CTTNBP2: variants seen among roughly 807,000 people sequenced by gnomAD.
The protein encoded by CTTNBP2 is cortactin binding protein 2.
In CTTNBP2, 108 loss-of-function variants were observed where a neutral mutation model predicts 156.9. The ratio of observed to expected loss-of-function variants is 0.69; its 90% CI spans 0.59 to 0.81. The LOEUF (loss-of-function observed/expected upper bound fraction) is 0.81. CTTNBP2 is among the 30% of genes least tolerant of loss of function. CTTNBP2 has a pLI of 0.00. For synonymous variants in CTTNBP2, 767 were observed against 751.8 expected, an observed-to-expected ratio of 1.02 and a Z score of -0.33; for missense variants, 1,924 against 2,035.4, an observed-to-expected ratio of 0.95 and a Z score of 1.05.
rs145626438 is a variant in CTTNBP2 at position 117,870,514 on chromosome 7, C to A, written c.81+2821G>T. Among the ~76,000 whole-genome samples the A allele has an allele frequency of 5.9e-4, 90 of 152,318 alleles. No homozygotes were observed. The East Asian group carries it at 0.012, about 21-fold the overall frequency. On this transcript the variant is annotated intron_variant, in intron 1 of 22. Coordinates refer to ENST00000160373, the MANE Select transcript of CTTNBP2 (RefSeq NM_033427.3). ...TCCAAGTTTTTCTTTGTCACTGCCA[C>A]CATGACAACAAATTTTATACCTACT...
rs761230759 is a variant in CTTNBP2 at position 117,791,684 on chromosome 7, T to C, written c.1512A>G (p.Ala504=). The change falls in exon 4 of 23, where the codon GCA becomes GCG. Residue 504 remains alanine, a synonymous_variant. Transcript: ENST00000160373. The part of the protein sequence containing the change: ...QALSRFTSPQ[A]GAPSRPGVPP... ...GCACTCCAGGCCTTGAGGGAGCACC[T>C]GCTTGAGGGCTTGTAAATCTTGACA... 1.1e-5 allele frequency: 17 copies of C among 1,614,214 alleles called. No homozygotes were observed. Among genetic ancestry groups the C allele is most frequent in the Non-Finnish European group, 1.4e-5 (16 of 1,180,044 alleles).
chr7:117,756,018 G>A (rs1265732747), intron 12 of CTTNBP2, among the ~76,000 whole-genome samples: 2 of 152,204 alleles, frequency 1.3e-5, no homozygotes, highest in African/African-American at 2.4e-5. Flanking sequence ...GAGAAAGGGT[G>A]CTGAGATCCT....
rs1452305787 is a variant in CTTNBP2, at chr7:117,733,955, G to A, written c.3876+958C>T. Among the ~76,000 whole-genome samples, 3 of 152,212 alleles carry A rather than the reference G, an allele frequency of 2.0e-5. No homozygotes were observed. The East Asian group carries it at 5.8e-4, about 29-fold the overall frequency. ...ATTAAAGAGAAGTCTTATGTTTCTG[G>A]AAAAGTGCTTTCCTCCCTGATAAGG... On this transcript the variant is annotated intron_variant, in intron 16 of 22. Transcript: ENST00000160373.
intron 14 of CTTNBP2, among the ~76,000 whole-genome samples, chr7:117,739,767 A>T (rs370739140): frequency 6.6e-6 from 1 of 152,154 alleles, no homozygotes. Context: ...ATGTTCTGAG[A>T]GGCCAAGTGG....
intron 4 of CTTNBP2, 142 bp from the exon 5 acceptor site, chr7:117,784,596 GTTAATAT>G: frequency 1.9e-6 from 1 of 539,584 alleles, no homozygotes; most frequent in Non-Finnish European, 3.1e-6. Context: ...TTATCAATCT[GTTAATAT>G]TTACTTAGCA....
intron 8 of CTTNBP2, among the ~76,000 whole-genome samples, chr7:117,772,168 C>T (rs73716254): frequency 3.9e-5 from 6 of 152,130 alleles, no homozygotes; most frequent in East Asian, 3.9e-4. Flanking sequence ...GTTAGAAAGG[C>T]CCCTCACATG....
intron 2 of CTTNBP2, among the ~76,000 whole-genome samples, chr7:117,816,675 C>T (rs970113529): frequency 2.0e-5 from 3 of 152,128 alleles, no homozygotes; most frequent in Non-Finnish European, 2.9e-5. Context: ...AATGTGTATT[C>T]CTTCTAACGT....
intron 2 of CTTNBP2, among the ~76,000 whole-genome samples, chr7:117,822,082 A>G (rs1287235074): frequency 2.0e-5 from 3 of 152,182 alleles, no homozygotes; most frequent in African/African-American, 7.2e-5. Context: ...TTAAAATAGA[A>G]TCAAGGCTAT....
At chr7:117,767,441 A>G (rs1311213032) in intron 8 of CTTNBP2, among the ~76,000 whole-genome samples, 1 of 152,256 alleles carries the variant, frequency 6.6e-6, no homozygotes, top group Non-Finnish European at 1.5e-5. Context: ...AAGAAAAAAA[A>G]ATAGCTTGTT....
chr7:117,719,656 A>C lies in CTTNBP2; in HGVS notation c.4512-20T>G. Reference sequence around the variant, plus strand: ...AAAGACCTAACACAAAGTTCAGAAAAACGTTTTTCAAAGTGAGAACAATTC... The same window carrying C: ...AAAGACCTAACACAAAGTTCAGAAACACGTTTTTCAAAGTGAGAACAATTC... On this transcript the variant is annotated intron_variant, in intron 20 of 22. Coordinates refer to ENST00000160373, the MANE Select transcript of CTTNBP2 (RefSeq NM_033427.3). 6.3e-7 allele frequency: 1 copy of C among 1,595,628 alleles called. No homozygotes were observed. Among genetic ancestry groups the C allele is most frequent in the Non-Finnish European group, 8.6e-7 (1 of 1,169,528 alleles).
rs1554453351 is a variant in CTTNBP2, at chr7:117,869,795, AG to A, written c.81+3539del. ...GAAATCTACAACCTATTATTTAAGA[AG>A]AAAAAAAAAAGAGTGAAAAGCAGGA... On this transcript the variant is annotated intron_variant, in intron 1 of 22. Coordinates refer to ENST00000160373, the MANE Select transcript of CTTNBP2 (RefSeq NM_033427.3). 1.6e-3 allele frequency among the ~76,000 whole-genome samples: 216 copies of A among 136,070 alleles called. 2 individuals are homozygous for A. Among genetic ancestry groups the A allele is most frequent in the African/African-American group, 5.3e-3 (203 of 38,264 alleles). The allele number at this position is 136,070 out of a possible 152,430, so 89.3% of individuals were successfully genotyped here.
At chr7:117,786,344 T>A in intron 4 of CTTNBP2, 1 of 420,130 alleles carries the variant, frequency 2.4e-6, no homozygotes, top group Non-Finnish European at 4.8e-6. Flanking sequence ...CTGATACTCA[T>A]TAGCTCTTCT....
At position 117,745,490 on chromosome 7, in the gene CTTNBP2, T is replaced by C. The variant is rs570398193; in HGVS notation, c.3535+341A>G. Among the ~76,000 whole-genome samples, 126 of 152,200 alleles carry C rather than the reference T, an allele frequency of 8.3e-4. 1 individual carries two copies. The highest frequency in any genetic ancestry group is 3.1e-4 in the Non-Finnish European group (21 of 68,022). ...GTTGATCTGCTGTGTATCACCACCA[T>C]GCTCCAGCAGTTCTAAACAGCATCA... On this transcript the variant is annotated intron_variant, in intron 14 of 22. Transcript: ENST00000160373.
chr7:117,857,939 A>G (rs1030116438), intron 2 of CTTNBP2, among the ~76,000 whole-genome samples: 2 of 152,206 alleles, frequency 1.3e-5, no homozygotes, highest in Non-Finnish European at 2.9e-5. Flanking sequence ...CCCAGGGAAC[A>G]CTCAATCAGT....
At chr7:117,794,870 T>C (rs1280852835) in intron 3 of CTTNBP2, among the ~76,000 whole-genome samples, 1 of 143,730 alleles carries the variant, frequency 7.0e-6, no homozygotes, top group African/African-American at 2.6e-5. Flanking sequence ...TGTTTTTATA[T>C]GTATATCTTT....
chr7:117,796,782 T>C lies in CTTNBP2; in HGVS notation c.415-4001A>G, dbSNP rs1220740865. 2.6e-5 allele frequency among the ~76,000 whole-genome samples: 4 copies of C among 152,224 alleles called. No individual in the cohort carries two copies. In the South Asian group the frequency reaches 6.2e-4, roughly 24 times the overall value. ...ATACAAAAATCTAGAGAATACACCA[T>C]ATTAAACATGTAGATGAATGTTTTT... On this transcript the variant is annotated intron_variant, in intron 3 of 22. Transcript: ENST00000160373.
intron 2 of CTTNBP2, among the ~76,000 whole-genome samples, chr7:117,854,025 G>A (rs1441208463): frequency 6.6e-6 from 1 of 152,136 alleles, no homozygotes; most frequent in Non-Finnish European, 1.5e-5. Context: ...TTATTTCAGT[G>A]TTTGTCCTGC....
intron 19 of CTTNBP2, among the ~76,000 whole-genome samples, chr7:117,723,502 C>T (rs1393104462): frequency 6.6e-6 from 1 of 152,162 alleles, no homozygotes; most frequent in African/African-American, 2.4e-5. Context: ...CTGAAGTCCA[C>T]AGTGCACATG....
intron 1 of CTTNBP2, among the ~76,000 whole-genome samples, chr7:117,870,355 A>G (rs529832661): frequency 6.6e-6 from 1 of 152,374 alleles, no homozygotes; most frequent in Admixed American, 6.5e-5. Flanking sequence ...TTTAGTTTAA[A>G]AAAACGCTTA....
Sources: allele counts gnomAD v4.1 joint callset (sites outside exome capture counted in the v4.1 genomes callset), GRCh38; gene constraint gnomAD v4.1.1; transcripts MANE v1.5; gene names NCBI Gene and HGNC (gene_info 2026-07-23, HGNC 2026-07-21).